PDCD5: variants seen among roughly 807,000 people sequenced by gnomAD.
PDCD5 encodes the protein programmed cell death protein 5.
Under a neutral mutation model 21.9 loss-of-function variants are expected in PDCD5, and 23 were observed. That is an observed-to-expected ratio of 1.05 (90% CI 0.76 to 1.49). The LOEUF is 1.49. Ranked by LOEUF, PDCD5 falls within the 40% of genes most tolerant of loss-of-function variation. The pLI is 0.00. For missense variants in PDCD5, 152 were observed against 147.7 expected (o/e 1.03, Z -0.15); for synonymous variants, 45 against 49.4 (o/e 0.91, Z 0.37).
Position 32,582,209 on chromosome 19 carries a change from G to A in PDCD5, c.81G>A (p.Ala27=), listed in dbSNP as rs773778554. 6.2e-7 allele frequency: 1 copy of A among 1,612,832 alleles called. No individual in the cohort carries two copies. The highest frequency in any genetic ancestry group is 8.5e-7 in the Non-Finnish European group (1 of 1,179,204). The change falls in exon 2 of 6, where the codon GCG becomes GCA. Residue 27 remains alanine (A), a synonymous_variant. Coordinates refer to ENST00000590247, the MANE Select transcript of PDCD5 (RefSeq NM_004708.4). ...TTTTTTTCCAGGATCCTGGTGATGC[G>A]GCCCAACAGGAAGCAAAGCACAGGT... ...LQAKHGDPGD[A]AQQEAKHREA... is the part of the protein sequence containing the mutation.
At chr19:32,587,198 ATC>A in intron 5 of PDCD5, 53 bp from the exon 6 acceptor site, 4 of 1,338,444 alleles carry the variant, frequency 3.0e-6, no homozygotes, top group African/African-American at 1.4e-5. Context: ...TTCTCGGAAA[ATC>A]TGAGTTATGC....
chr19:32,586,698 C>G, intron 4 of PDCD5, 160 bp from the exon 5 acceptor site: 6 of 1,327,238 alleles, frequency 4.5e-6, no homozygotes, highest in Non-Finnish European at 5.8e-6. Context: ...GAACTTAAAC[C>G]AATAGTTATA....
chr19:32,585,783 TG>T (rs1971469755), intron 3 of PDCD5, 32 bp from the exon 4 acceptor site: 1 of 1,231,728 alleles, frequency 8.1e-7, no homozygotes, highest in Non-Finnish European at 1.2e-6. Context: ...TTGATTTTAA[TG>T]GATTTTTTGC....
intron 2 of PDCD5, 62 bp from the exon 3 acceptor site, chr19:32,584,888 A>C (rs1333923782): frequency 7.4e-7 from 1 of 1,343,696 alleles, no homozygotes; most frequent in Non-Finnish European, 1.1e-6. Flanking sequence ...TCTTTCTCGT[A>C]TGTTACATGG....
chr19:32,586,146 G>T, intron 4 of PDCD5: 2 of 1,482,380 alleles, frequency 1.3e-6, no homozygotes, highest in East Asian at 4.9e-5. Context: ...CCCAATGACT[G>T]TTAGGGTCAG....
rs765702385 is a variant in PDCD5, at chr19:32,581,270, C to T, written c.9C>T (p.Asp3=). The T allele has an allele frequency of 2.0e-6, 3 of 1,524,226 alleles. No individual in the cohort carries two copies. Among genetic ancestry groups the T allele is most frequent in the Non-Finnish European group, 2.6e-6 (3 of 1,139,878 alleles). The allele number at this position is 1,524,226 out of a possible 1,614,324, so 94.4% of individuals were successfully genotyped here. The change falls in exon 1 of 6, where the codon GAC becomes GAT. Residue 3 remains aspartate, a synonymous_variant. Coordinates refer to ENST00000590247, the MANE Select transcript of PDCD5 (RefSeq NM_004708.4). The part of the protein sequence containing the change: MA[D]EELEALRRQR... ...AGCGCTGACGCCGAGCCATGGCGGA[C>T]GAGGAGCTTGAGGCGCTGAGGAGAC...
At chr19:32,583,275 C>T (rs1971446123) in intron 2 of PDCD5, among the ~76,000 whole-genome samples, 1 of 152,074 alleles carries the variant, frequency 6.6e-6, no homozygotes. Context: ...CCCCTTACTG[C>T]ATGGCATATT....
chr19:32,583,766 A>G (rs1010321027), intron 2 of PDCD5, among the ~76,000 whole-genome samples: 1 of 152,048 alleles, frequency 6.6e-6, no homozygotes, highest in African/African-American at 2.4e-5. Flanking sequence ...GCTTGAGCTG[A>G]TCATAGCTGC....
At chr19:32,582,357 A>C (rs1164813758) in intron 2 of PDCD5, 125 bp downstream of exon 2, 5 of 757,010 alleles carry the variant, frequency 6.6e-6, no homozygotes, top group Non-Finnish European at 1.2e-5. Flanking sequence ...GATTTGGCCA[A>C]AATCATCCGC....
rs200185451 is a variant in PDCD5 at position 32,582,190 on chromosome 19, T to C, written c.67-5T>C. 2.1e-3 allele frequency: 3,453 copies of C among 1,608,420 alleles called. 2 individuals carry two copies. The highest frequency in any genetic ancestry group is 2.6e-3 in the Non-Finnish European group (3,109 of 1,175,594). On this transcript the variant is annotated splice_polypyrimidine_tract_variant and splice_region_variant and intron_variant, in intron 1 of 5. Coordinates refer to ENST00000590247, the MANE Select transcript of PDCD5 (RefSeq NM_004708.4). ...CTCTATTAAATTTAAGTTTTTTTTTTCCAGGATCCTGGTGATGCGGCCCAA... is the reference window on the plus strand; with the variant it reads ...CTCTATTAAATTTAAGTTTTTTTTTCCCAGGATCCTGGTGATGCGGCCCAA...
intron 5 of PDCD5, 72 bp downstream of exon 5, chr19:32,587,001 A>G: frequency 1.6e-6 from 2 of 1,245,552 alleles, no homozygotes; most frequent in South Asian, 1.3e-5. Flanking sequence ...GTATACATCT[A>G]CCACACATAT....
intron 1 of PDCD5, 91 bp from the exon 2 acceptor site, chr19:32,582,104 G>A: frequency 4.7e-6 from 4 of 847,534 alleles, no homozygotes; most frequent in Non-Finnish European, 7.8e-6. Flanking sequence ...CACCGCAAGA[G>A]ACTGTTATGT....
intron 1 of PDCD5, 109 bp downstream of exon 1, chr19:32,581,436 G>T (rs1971424380): frequency 1.6e-6 from 1 of 630,742 alleles, no homozygotes; most frequent in South Asian, 3.7e-5. Flanking sequence ...CCGGGGCCCC[G>T]GTCCCCTGCG....
chr19:32,582,501 A>G (rs1421464579), intron 2 of PDCD5, among the ~76,000 whole-genome samples: 1 of 152,160 alleles, frequency 6.6e-6, no homozygotes, highest in Non-Finnish European at 1.5e-5. Flanking sequence ...CAGCTGTGGC[A>G]GTTTCCTCGG....
At chr19:32,585,422 C>CA (rs1971466942) in intron 3 of PDCD5, among the ~76,000 whole-genome samples, 1 of 151,966 alleles carries the variant, frequency 6.6e-6, no homozygotes, top group Non-Finnish European at 1.5e-5. Context: ...AAAAATGAGA[C>CA]AGTCAGAATG....
intron 2 of PDCD5, 42 bp downstream of exon 2, chr19:32,582,274 C>T: frequency 6.5e-7 from 1 of 1,537,718 alleles, no homozygotes; most frequent in Non-Finnish European, 9.0e-7. Flanking sequence ...GTGGTTTCAC[C>T]AAATGGATTT....
rs147625080 is a variant in PDCD5 at position 32,587,359 on chromosome 19, C to G, written c.*59C>G. 2 of 1,164,834 alleles carry G rather than the reference C, an allele frequency of 1.7e-6. No individual in the cohort carries two copies. Among genetic ancestry groups the G allele is most frequent in the African/African-American group, 3.1e-5 (2 of 65,062 alleles). 72.2% of individuals were successfully genotyped at this position (1,164,834 alleles called of 1,614,324 possible). A position where few individuals can be genotyped will look rare whatever the true frequency, so the allele number is the denominator to read the frequency against. On this transcript the variant is annotated 3_prime_UTR_variant, in exon 6 of 6. Transcript: ENST00000590247. ...ACAAGTCTAGGACAGAAGTTAAGAT[C>G]TGATTATTTACTTTGTTTATTGTCT...
rs572061300 is a variant in PDCD5 at position 32,581,819 on chromosome 19, A to G, written c.67-376A>G. On this transcript the variant is annotated intron_variant, in intron 1 of 5. Transcript: ENST00000590247. ...AAGCTTGGATGGATCACACGCCCGG[A>G]GAGGCGTTTCTGATAAGGGACCGGG... 3 of 251,528 alleles carry G rather than the reference A, an allele frequency of 1.2e-5. No homozygotes were observed. The South Asian group carries it at 2.1e-4, about 17-fold the overall frequency. The allele number at this position is 251,528 out of a possible 1,614,324, so 15.6% of individuals were successfully genotyped here. A position where few individuals can be genotyped will look rare whatever the true frequency, so the allele number is the denominator to read the frequency against.
chr19:32,584,954 GCAGAAATGAGAAACAGTATC>G lies in PDCD5; in HGVS notation c.110_129del (p.Ala37ValfsTer15). Reference sequence around the variant, plus strand: ...TGACCTATGTTTTCGTTGTAGGGAAGCAGAAATGAGAAACAGTATCTTAGCCCAAGTTCTGGATCAGTCGG... The same window carrying G: ...TGACCTATGTTTTCGTTGTAGGGAAGTTAGCCCAAGTTCTGGATCAGTCGG... On this transcript the variant is annotated frameshift_variant, in exon 3 of 6. Transcript: ENST00000590247. LOFTEE classifies it high-confidence loss of function. The G allele has an allele frequency of 6.2e-7, 1 of 1,613,504 alleles. No individual in the cohort carries two copies. Among genetic ancestry groups the G allele is most frequent in the Non-Finnish European group, 8.5e-7 (1 of 1,179,390 alleles).
Sources: gnomAD v4.1 joint callset for allele counts (sites outside exome capture counted in the v4.1 genomes callset) on GRCh38, gnomAD v4.1.1 for gene constraint, MANE v1.5 for transcripts, NCBI Gene and HGNC (gene_info 2026-07-23, HGNC 2026-07-21) for gene names.